The following CEP57L1 variants were observed in gnomAD, a reference collection of about 807,000 sequenced individuals.
CEP57L1 encodes centrosomal protein 57 like 1, also known as centrosomal protein CEP57L1.
A neutral mutation model predicts 61.0 loss-of-function variants in CEP57L1; 37 were observed. The observed-to-expected ratio is 0.61, with a 90% confidence interval of 0.47 to 0.80. CEP57L1 has a LOEUF of 0.80. CEP57L1 is among the 30% of genes least tolerant of loss of function. The probability of loss-of-function intolerance (pLI) is 0.00; values close to 1 mark genes in which losing one functional copy is unlikely to be tolerated. For synonymous variants in CEP57L1, 137 were observed against 162.3 expected (o/e 0.84, Z 1.19); for missense variants, 422 against 524.7 (o/e 0.80, Z 1.91).
intron 1 of CEP57L1, among the ~76,000 whole-genome samples, chr6:109,135,054 A>C (rs1242997039): frequency 6.6e-6 from 1 of 151,838 alleles, no homozygotes; most frequent in Non-Finnish European, 1.5e-5. Flanking sequence ...ACAGAATTGG[A>C]AAAAACTACT....
rs1343453995 is a variant in CEP57L1 at position 109,171,384 on chromosome 6, A to G, written c.*8414A>G. On this transcript the variant is annotated 3_prime_UTR_variant, in exon 11 of 11. Transcript: ENST00000517392. ...CTCCCAAGTAGCTGGGATTACAGGC[A>G]TGCGTCACCACACCCGGCTGTTTTT... Among the ~76,000 whole-genome samples the G allele has an allele frequency of 6.6e-6, 1 of 151,216 alleles. No homozygotes were observed. Among genetic ancestry groups the G allele is most frequent in the Non-Finnish European group, 1.5e-5 (1 of 67,882 alleles).
intron 1 of CEP57L1, among the ~76,000 whole-genome samples, chr6:109,100,672 CA>C (rs539993641): frequency 1.4e-3 from 101 of 74,052 alleles, no homozygotes; most frequent in South Asian, 5.0e-3. Context: ...GAGATTGTCT[CA>C]AAAAAAAAAA....
rs763990709 is a variant in CEP57L1 at position 109,159,051 on chromosome 6, A to G, written c.771A>G (p.Pro257=). 3.7e-6 allele frequency: 6 copies of G among 1,613,694 alleles called. No homozygotes were observed. The highest frequency in any genetic ancestry group is 5.1e-6 in the Non-Finnish European group (6 of 1,179,928). ...AAACTAAATGTATAAAGAGACGACC[A>G]CCTTGGCAAATTTGTTCAAAGTTTG... ...SKKTKCIKRR[P]PWQICSKFGA... is the part of the protein sequence containing the mutation. Residue 257 remains proline, a synonymous_variant, in exon 8 of 11, where the codon CCA becomes CCG. Transcript: ENST00000517392.
upstream of CEP57L1, chr6:109,095,388 C>T: frequency 1.0e-6 from 1 of 985,900 alleles, no homozygotes; most frequent in Non-Finnish European, 1.2e-6. Context: ...CTCTTCATTA[C>T]TCCAAACCCC....
chr6:109,114,425 G>T (rs985906786), intron 1 of CEP57L1, among the ~76,000 whole-genome samples: 6 of 151,808 alleles, frequency 4.0e-5, no homozygotes, highest in African/African-American at 1.5e-4. Context: ...TTATTTCATA[G>T]TTTGAGTTTT....
chr6:109,162,582 G>A (rs1773814644), intron 10 of CEP57L1, among the ~76,000 whole-genome samples, 167 bp from the exon 11 acceptor site: 1 of 151,996 alleles, frequency 6.6e-6, no homozygotes, highest in African/African-American at 2.4e-5. Context: ...GACAAGCACA[G>A]TGTTAGGCAT....
At chr6:109,142,960 TC>T (rs1771565601) in intron 1 of CEP57L1, among the ~76,000 whole-genome samples, 2 of 65,368 alleles carry the variant, frequency 3.1e-5, no homozygotes, top group Non-Finnish European at 3.3e-5. Flanking sequence ...TCTCTCTCTC[TC>T]TCTCTCTCTC....
intron 1 of CEP57L1, among the ~76,000 whole-genome samples, chr6:109,121,583 A>G (rs1156967318): frequency 6.6e-6 from 1 of 152,210 alleles, no homozygotes; most frequent in Non-Finnish European, 1.5e-5. Flanking sequence ...GTAAATCATC[A>G]TCTTTGGCAG....
intron 1 of CEP57L1, among the ~76,000 whole-genome samples, chr6:109,132,992 C>T (rs1774366975): frequency 6.6e-6 from 1 of 152,140 alleles, no homozygotes; most frequent in African/African-American, 2.4e-5. Context: ...GTACTAGTCC[C>T]TGGTAAATTA....
At chr6:109,131,198 A>G (rs150350578) in intron 1 of CEP57L1, among the ~76,000 whole-genome samples, 2 of 152,318 alleles carry the variant, frequency 1.3e-5, no homozygotes, top group Non-Finnish European at 2.9e-5. Flanking sequence ...AAGTATAATA[A>G]TACTTAAACT....
rs540955364 is a variant in CEP57L1, at chr6:109,135,291, C to T, written c.-3-9928C>T. On this transcript the variant is annotated intron_variant, in intron 1 of 10. Transcript: ENST00000517392. ...TACAACTATGTGATCTTTGACAAAC[C>T]TGACAAAAACAAGAAATGGGGAAAG... Among the ~76,000 whole-genome samples, 120 of 152,128 alleles carry T rather than the reference C, an allele frequency of 7.9e-4. 2 individuals are homozygous for T. The South Asian group carries it at 0.01, about 13-fold the overall frequency.
intron 9 of CEP57L1, among the ~76,000 whole-genome samples, chr6:109,159,898 C>G (rs997268769): frequency 7.9e-5 from 12 of 152,150 alleles, no homozygotes; most frequent in African/African-American, 2.9e-4. Flanking sequence ...TTTTATAAGA[C>G]AGGCTCTCCT....
intron 7 of CEP57L1, 181 bp from the exon 8 acceptor site, chr6:109,158,841 TTAA>T: frequency 1.6e-6 from 1 of 618,608 alleles, no homozygotes; most frequent in Non-Finnish European, 2.9e-6. Context: ...ATTTCCATAA[TTAA>T]TGATGTTGAA....
At chr6:109,155,956 C>T in intron 7 of CEP57L1, 79 bp downstream of exon 7, 1 of 624,646 alleles carries the variant, frequency 1.6e-6, no homozygotes, top group South Asian at 2.2e-5. Context: ...TATACCTACC[C>T]CTTTCCAAAA....
rs1771840559 is a variant in CEP57L1 at position 109,145,302 on chromosome 6, G to A, written c.81G>A (p.Gln27=). 3 of 1,611,038 alleles carry A rather than the reference G, an allele frequency of 1.9e-6. No homozygotes were observed. In the South Asian group the frequency reaches 3.3e-5, roughly 18 times the overall value. The change falls in exon 2 of 11, where the codon CAG becomes CAA. Residue 27 remains glutamine, a synonymous_variant. Coordinates refer to ENST00000517392, the MANE Select transcript of CEP57L1 (RefSeq NM_001271852.3). The part of the protein sequence containing the change: ...PERVFVPSFT[Q]NEPSQNCHPA... ...GAGTATTTGTTCCCTCATTCACCCA[G>A]AATGAACCATCTCAGAATTGCCATC...
rs79210159 is a variant in CEP57L1, at chr6:109,125,600, T to C, written c.-3-19619T>C. ...ATCAACCATTCTAAAGAGAAAAGGG[T>C]GTGGTGGCACACACCTGCTGCTACT... On this transcript the variant is annotated intron_variant, in intron 1 of 10. Transcript: ENST00000517392. Among the ~76,000 whole-genome samples the C allele has an allele frequency of 8.0e-3, 1,204 of 150,574 alleles. 22 individuals carry two copies. Among genetic ancestry groups the C allele is most frequent in the African/African-American group, 0.028 (1,155 of 40,972 alleles).
In CEP57L1 at chr6:109,150,238, A is replaced by G. The variant is rs1214056526; in HGVS notation, c.461A>G (p.Gln154Arg). ...EREKNMILEQ[Q>R]AQLQREKEQD... ...GAAAAGAACATGATCCTAGAACAAC[A>G]GGTGAGCATATTTTCTATAAGGAAT... The change falls in exon 4 of 11, where the codon CAG becomes CGG. Residue 154 changes from glutamine (Q) to arginine (R), a missense_variant and splice_region_variant. Physicochemically the swap from Gln to Arg is conservative, Grantham distance 43. Coordinates refer to ENST00000517392, the MANE Select transcript of CEP57L1 (RefSeq NM_001271852.3). 1.3e-6 allele frequency: 2 copies of G among 1,591,490 alleles called. No homozygotes were observed. The highest frequency in any genetic ancestry group is 1.7e-6 in the Non-Finnish European group (2 of 1,161,392).
intron 1 of CEP57L1, among the ~76,000 whole-genome samples, chr6:109,111,429 C>T (rs1238679277): frequency 1.3e-5 from 2 of 152,118 alleles, no homozygotes; most frequent in Non-Finnish European, 2.9e-5. Flanking sequence ...TGGGCTGAGA[C>T]GATGGGGTTT....
chr6:109,148,151 G>A (rs112255209), intron 3 of CEP57L1, among the ~76,000 whole-genome samples: 5 of 151,504 alleles, frequency 3.3e-5, no homozygotes, highest in African/African-American at 1.2e-4. Context: ...AAGTTTTAGG[G>A]TACATGTGCA....
Sources: allele counts gnomAD v4.1 joint callset (sites outside exome capture counted in the v4.1 genomes callset), GRCh38; gene constraint gnomAD v4.1.1; transcripts MANE v1.5; gene names NCBI Gene and HGNC (gene_info 2026-07-23, HGNC 2026-07-21).